Variants in TEX264 observed in about 807,000 individuals in gnomAD.
TEX264 encodes testis-expressed protein 264.
Under a neutral mutation model 23.4 loss-of-function variants are expected in TEX264, and 13 were observed. That is an observed-to-expected ratio of 0.56 (90% CI 0.36 to 0.88). The LOEUF (loss-of-function observed/expected upper bound fraction) is 0.88, where lower values mean the gene tolerates loss of function less well. TEX264 is among the 40% of genes least tolerant of loss of function. The probability of loss-of-function intolerance (pLI) is 0.01; values close to 1 mark genes in which losing one functional copy is unlikely to be tolerated. For missense variants in TEX264, 340 were observed against 406.8 expected (o/e 0.84, Z 1.41); for synonymous variants, 159 against 170.0 (o/e 0.94, Z 0.50).
intron 2 of TEX264, chr3:51,684,091 G>T: frequency 2.7e-6 from 1 of 368,982 alleles, no homozygotes; most frequent in Admixed American, 4.2e-5. Context: ...TGATGGTTCA[G>T]AGGTCCTCTC....
chr3:51,688,130 G>A (rs918676655), intron 3 of TEX264, among the ~76,000 whole-genome samples: 32 of 152,228 alleles, frequency 2.1e-4, no homozygotes, highest in African/African-American at 6.3e-4. Flanking sequence ...AGGCTGCTCC[G>A]CTGGAGTCCA....
chr3:51,674,672 G>A, intron 2 of TEX264, 110 bp downstream of exon 2: 1 of 1,335,442 alleles, frequency 7.5e-7, no homozygotes, highest in Non-Finnish European at 1.0e-6. Flanking sequence ...TCTTCAAGCT[G>A]GCCCTGCAGA....
At chr3:51,679,069 T>TTGAGG (rs1702331855) in intron 2 of TEX264, among the ~76,000 whole-genome samples, 4 of 152,188 alleles carry the variant, frequency 2.6e-5, no homozygotes, top group Admixed American at 1.3e-4. Flanking sequence ...AGAACTGTCC[T>TTGAGG]TGAGGTGAGG....
At chr3:51,674,589 C>G (rs572868704) in intron 2 of TEX264, 27 bp downstream of exon 2, 1 of 1,608,020 alleles carries the variant, frequency 6.2e-7, no homozygotes. Flanking sequence ...GGGTTCTGCC[C>G]CATGGATGGG....
chr3:51,690,896 T>C (rs886323025), intron 3 of TEX264, among the ~76,000 whole-genome samples: 2 of 152,206 alleles, frequency 1.3e-5, no homozygotes, highest in Non-Finnish European at 2.9e-5. Flanking sequence ...GAGCGGTAGC[T>C]GAGTCCAGAC....
intron 3 of TEX264, among the ~76,000 whole-genome samples, chr3:51,693,590 C>A (rs979264952): frequency 6.7e-6 from 1 of 148,436 alleles, no homozygotes; most frequent in Non-Finnish European, 1.5e-5. Flanking sequence ...AGCAATTCTT[C>A]TGCCTCAGCC....
intron 4 of TEX264, among the ~76,000 whole-genome samples, chr3:51,700,009 G>A (rs1435442718): frequency 1.3e-5 from 2 of 152,112 alleles, no homozygotes; most frequent in African/African-American, 4.8e-5. Context: ...TTGTCCCTCA[G>A]TACGGGCCCC....
In TEX264 at chr3:51,703,627, G is replaced by T; in HGVS notation, c.650-97G>T. 3.1e-6 allele frequency: 4 copies of T among 1,290,742 alleles called. No individual in the cohort carries two copies. The highest frequency in any genetic ancestry group is 4.2e-6 in the Non-Finnish European group (4 of 942,350). 80.0% of individuals were successfully genotyped at this position (1,290,742 alleles called of 1,614,324 possible). A position where few individuals can be genotyped will look rare whatever the true frequency, so the allele number is the denominator to read the frequency against. ...GCAAGCCCCCTGAGCCCGGGAGGCT[G>T]CATTATTCATGAGTGCACTGCGTGC... is the stretch of plus-strand genomic sequence containing the variant. On this transcript the variant is annotated intron_variant, in intron 4 of 4. Coordinates refer to ENST00000341333, the MANE Select transcript of TEX264 (RefSeq NM_015926.6). The surrounding 1 kb of genome is among the most constrained non-coding windows in gnomAD (Gnocchi z 4.8).
chr3:51,701,497 G>A (rs1703302973), intron 4 of TEX264, among the ~76,000 whole-genome samples: 1 of 151,868 alleles, frequency 6.6e-6, no homozygotes, highest in Admixed American at 6.6e-5. Context: ...GCTAGTTTTT[G>A]TATTTTTTAT....
chr3:51,690,113 C>G (rs1260927919), intron 3 of TEX264, among the ~76,000 whole-genome samples: 1 of 152,162 alleles, frequency 6.6e-6, no homozygotes, highest in Non-Finnish European at 1.5e-5. Context: ...CCAGTGGGCA[C>G]AGAACCGCTT....
In TEX264 at chr3:51,703,964, G is replaced by A; in HGVS notation, c.890G>A (p.Gly297Glu). The change falls in exon 5 of 5, where the codon GGG (glycine) becomes GAG (glutamate). Residue 297 changes from glycine (G) to glutamate (E), a missense_variant. Physicochemically the swap from Gly to Glu is moderately conservative, Grantham distance 98 (BLOSUM62 -2). Coordinates refer to ENST00000341333, the MANE Select transcript of TEX264 (RefSeq NM_015926.6). This position sits in a 1 kb window ranked among gnomAD's most constrained non-coding sequence, Gnocchi z 4.8. ...CTGGACCCTGGGACTGAGCCCCTGG[G>A]GACTACCAAGTGGCTCTGGGAGCCC... Reference protein sequence around the residue: ...SRLDPGTEPLGTTKWLWEPTA... With the variant: ...SRLDPGTEPLETTKWLWEPTA... The A allele has an allele frequency of 1.3e-6, 2 of 1,571,016 alleles. No individual in the cohort carries two copies. Among genetic ancestry groups the A allele is most frequent in the Non-Finnish European group, 1.7e-6 (2 of 1,153,916 alleles).
chr3:51,688,557 G>C (rs1702707474), intron 3 of TEX264, among the ~76,000 whole-genome samples: 1 of 152,198 alleles, frequency 6.6e-6, no homozygotes, highest in Non-Finnish European at 1.5e-5. Context: ...CATGGTCTCT[G>C]ATTTCAGGGA....
chr3:51,679,104 G>A (rs1294409225), intron 2 of TEX264, among the ~76,000 whole-genome samples: 2 of 152,172 alleles, frequency 1.3e-5, no homozygotes, highest in African/African-American at 4.8e-5. Flanking sequence ...AGAGGAAGGG[G>A]CTTCGGATTT....
chr3:51,698,019 C>A (rs775843287), intron 3 of TEX264, among the ~76,000 whole-genome samples: 9 of 152,162 alleles, frequency 5.9e-5, no homozygotes, highest in Non-Finnish European at 1.2e-4. Flanking sequence ...GAAGGCTTTG[C>A]CTGGATCACC....
chr3:51,680,612 G>T (rs1702394456), intron 2 of TEX264, among the ~76,000 whole-genome samples: 1 of 152,240 alleles, frequency 6.6e-6, no homozygotes, highest in Non-Finnish European at 1.5e-5. Flanking sequence ...CCCGAGTGGT[G>T]GTGGGTCTGG....
intron 3 of TEX264, among the ~76,000 whole-genome samples, chr3:51,696,331 C>T (rs1456748710): frequency 2.6e-5 from 4 of 152,202 alleles, no homozygotes; most frequent in African/African-American, 9.7e-5. Flanking sequence ...AGCTAGTGTC[C>T]TTGGCCACTG....
rs1703422999 is a variant in TEX264, at chr3:51,703,884, C to G, written c.810C>G (p.Gly270=). Residue 270 remains glycine, a synonymous_variant, in exon 5 of 5, where the codon GGC becomes GGG. Transcript: ENST00000341333. The surrounding 1 kb of genome is among the most constrained non-coding windows in gnomAD (Gnocchi z 4.8). Reference sequence around the variant, plus strand: ...GCTACAGCGAGTCAGGTGCCAGCGGCTCCTCTTTTGAGGAGCTGGACTTGG... The same window carrying G: ...GCTACAGCGAGTCAGGTGCCAGCGGGTCCTCTTTTGAGGAGCTGGACTTGG... ...EHSYSESGAS[G]SSFEELDLEG... is the part of the protein sequence containing the mutation. 6.2e-7 allele frequency: 1 copy of G among 1,612,186 alleles called. No homozygotes were observed. The highest frequency in any genetic ancestry group is 8.5e-7 in the Non-Finnish European group (1 of 1,178,766).
intron 2 of TEX264, 194 bp from the exon 3 acceptor site, chr3:51,684,219 G>A (rs983936516): frequency 1.7e-6 from 1 of 599,020 alleles, no homozygotes; most frequent in African/African-American, 1.9e-5. Flanking sequence ...GAGTCCTGTG[G>A]TACGATGCCA....
intron 2 of TEX264, among the ~76,000 whole-genome samples, chr3:51,679,293 A>C (rs546873825): frequency 6.6e-6 from 1 of 152,140 alleles, no homozygotes; most frequent in Non-Finnish European, 1.5e-5. Flanking sequence ...CCAGTTCTTT[A>C]AATAGGTGGG....
Sources: gnomAD v4.1 joint callset for allele counts (sites outside exome capture counted in the v4.1 genomes callset) on GRCh38, gnomAD v4.1.1 for gene constraint, Gnocchi (gnomAD v3.1) non-coding constraint, MANE v1.5 for transcripts, NCBI Gene and HGNC (gene_info 2026-07-23, HGNC 2026-07-21) for gene names.